TRIO: variants seen among roughly 807,000 people sequenced by gnomAD.
TRIO encodes trio Rho guanine nucleotide exchange factor.
A neutral mutation model predicts 351.9 loss-of-function variants in TRIO; 58 were observed. That is an observed-to-expected ratio of 0.16 (90% CI 0.13 to 0.21). TRIO has a LOEUF of 0.21. TRIO is among the 10% of genes least tolerant of loss of function. The pLI, the probability that TRIO is intolerant of heterozygous loss-of-function variation, is 1.00. For synonymous variants in TRIO, 1,758 were observed against 1,595.7 expected (o/e 1.10, Z -2.42); for missense variants, 3,201 against 4,027.8 (o/e 0.79, Z 5.56).
intron 1 of TRIO, among the ~76,000 whole-genome samples, chr5:14,232,964 G>A (rs1793540356): frequency 6.6e-6 from 1 of 152,172 alleles, no homozygotes; most frequent in African/African-American, 2.4e-5. Flanking sequence ...CAAGCTCCAT[G>A]GCCACAGTGG....
At chr5:14,241,412 T>C (rs1463570717) in intron 1 of TRIO, among the ~76,000 whole-genome samples, 2 of 152,218 alleles carry the variant, frequency 1.3e-5, no homozygotes, top group Non-Finnish European at 2.9e-5. Flanking sequence ...ATACAATTTG[T>C]ACATAGTAAA....
chr5:14,157,814 C>T (rs1788206930), intron 1 of TRIO, among the ~76,000 whole-genome samples: 2 of 152,072 alleles, frequency 1.3e-5, no homozygotes, highest in Admixed American at 1.3e-4. Context: ...TCTTGAACTC[C>T]TGGGCTCAAG....
At chr5:14,446,509 G>C (rs913614379) in intron 34 of TRIO, among the ~76,000 whole-genome samples, 1 of 152,156 alleles carries the variant, frequency 6.6e-6, no homozygotes, top group Non-Finnish European at 1.5e-5. Context: ...GGGGAAGAGA[G>C]GGGGACAAGA....
At chr5:14,499,552 C>T (rs1490015850) in intron 53 of TRIO, among the ~76,000 whole-genome samples, 1 of 152,118 alleles carries the variant, frequency 6.6e-6, no homozygotes, top group African/African-American at 2.4e-5. Context: ...GAACTTTTGT[C>T]CCAGATATCT....
In TRIO at chr5:14,387,532, C is replaced by G; in HGVS notation, c.3665C>G (p.Thr1222Ser). The G allele has an allele frequency of 6.2e-7, 1 of 1,614,228 alleles. No individual in the cohort carries two copies. The highest frequency in any genetic ancestry group is 8.5e-7 in the Non-Finnish European group (1 of 1,180,026). ...AHAAEIKKCV[T>S]AVDKRYRDFS... is the part of the protein sequence containing the mutation. ...GCGGCAGAGATAAAAAAATGTGTTACTGCTGTGGATAAGAGGTACAGAGAT... is the reference window on the plus strand; with the variant it reads ...GCGGCAGAGATAAAAAAATGTGTTAGTGCTGTGGATAAGAGGTACAGAGAT... Residue 1222 changes from threonine to serine, a missense_variant, in exon 22 of 57, where the codon ACT becomes AGT. By Grantham distance (58) the Thr-to-Ser change is moderately conservative (BLOSUM62 1). This residue lies in a region of TRIO where 201 missense variants were observed against 266.5 expected (regional missense o/e 0.75). Transcript: ENST00000344204.
At chr5:14,358,497 A>G in intron 12 of TRIO, 150 bp downstream of exon 12, 2 of 801,410 alleles carry the variant, frequency 2.5e-6, no homozygotes, top group Admixed American at 3.0e-5. Context: ...GGAGAGAGAA[A>G]CGGCTCTCTT....
intron 29 of TRIO, among the ~76,000 whole-genome samples, chr5:14,397,554 A>T (rs1747712832): frequency 6.6e-6 from 1 of 152,254 alleles, no homozygotes; most frequent in South Asian, 2.1e-4. Flanking sequence ...AGAGCCTGGA[A>T]CATAGTAGGC....
chr5:14,172,390 A>G (rs1789150591), intron 1 of TRIO, among the ~76,000 whole-genome samples: 1 of 152,236 alleles, frequency 6.6e-6, no homozygotes, highest in Non-Finnish European at 1.5e-5. Flanking sequence ...CACAGAGAGT[A>G]GTGACAGGCA....
At chr5:14,462,981 C>G in intron 36 of TRIO, 56 bp downstream of exon 36, 1 of 1,492,158 alleles carries the variant, frequency 6.7e-7, no homozygotes, top group Non-Finnish European at 8.9e-7. Flanking sequence ...GCAGGGCACG[C>G]TCGGTAGCTG....
At chr5:14,182,233 C>T (rs2152138961) in intron 1 of TRIO, among the ~76,000 whole-genome samples, 1 of 152,288 alleles carries the variant, frequency 6.6e-6, no homozygotes. Flanking sequence ...GACCCCGGCT[C>T]TGCTGTGAGG....
intron 3 of TRIO, among the ~76,000 whole-genome samples, chr5:14,283,160 G>T (rs879756598): frequency 5.3e-5 from 8 of 152,172 alleles, no homozygotes; most frequent in Admixed American, 1.3e-4. Context: ...TTGTGATTTT[G>T]CTTATGTGTA....
At chr5:14,352,843 GC>G (rs1454637933) in intron 11 of TRIO, among the ~76,000 whole-genome samples, 7 of 151,826 alleles carry the variant, frequency 4.6e-5, no homozygotes, top group Admixed American at 3.9e-4. Flanking sequence ...CATCCAGTGT[GC>G]GGTAAAATAT....
At chr5:14,184,106 G>A in intron 1 of TRIO, 1 of 569,434 alleles carries the variant, frequency 1.8e-6, no homozygotes, top group Non-Finnish European at 3.2e-6. Context: ...AGAATGTTGT[G>A]TGTTTGGATG....
At chr5:14,486,255 A>T (rs955782796) in intron 47 of TRIO, among the ~76,000 whole-genome samples, 1 of 152,184 alleles carries the variant, frequency 6.6e-6, no homozygotes, top group Admixed American at 6.5e-5. Flanking sequence ...GTCTGCATCT[A>T]TGCCTGCTCA....
intron 49 of TRIO, among the ~76,000 whole-genome samples, chr5:14,493,181 G>A (rs1385996488): frequency 1.3e-5 from 2 of 152,026 alleles, no homozygotes; most frequent in Non-Finnish European, 2.9e-5. Flanking sequence ...ACATTCTTAG[G>A]CCGCATATTA....
intron 31 of TRIO, among the ~76,000 whole-genome samples, chr5:14,402,749 A>G (rs567306624): frequency 1.4e-5 from 2 of 148,036 alleles, no homozygotes; most frequent in Admixed American, 1.3e-4. Context: ...ATGAGGGTAT[A>G]GATGGTGGTG....
At chr5:14,468,853 G>A (rs2126538398) in intron 37 of TRIO, among the ~76,000 whole-genome samples, 1 of 152,290 alleles carries the variant, frequency 6.6e-6, no homozygotes, top group Non-Finnish European at 1.5e-5. Context: ...TTAAGGAACT[G>A]AACCTACCTA....
intron 34 of TRIO, among the ~76,000 whole-genome samples, chr5:14,457,705 G>A (rs537087198): frequency 4.2e-4 from 64 of 152,232 alleles, no homozygotes; most frequent in African/African-American, 1.4e-3. Context: ...TGCAGAGGCC[G>A]CTGGATCTGC....
chr5:14,498,799 G>C, intron 53 of TRIO, 159 bp downstream of exon 53: 2 of 1,126,272 alleles, frequency 1.8e-6, no homozygotes, highest in East Asian at 2.5e-5. Flanking sequence ...TAGCAGACCA[G>C]AGTGTCTGGG....
Sources: allele counts gnomAD v4.1 joint callset (sites outside exome capture counted in the v4.1 genomes callset), GRCh38; gene constraint gnomAD v4.1.1; regional missense constraint gnomAD v4.1.1; transcripts MANE v1.5; gene names NCBI Gene and HGNC (gene_info 2026-07-23, HGNC 2026-07-21).